TAF2: variants seen among roughly 807,000 people sequenced by gnomAD.
TAF2 encodes transcription initiation factor TFIID subunit 2.
In TAF2, 61 loss-of-function variants were observed where a neutral mutation model predicts 138.5. The ratio of observed to expected loss-of-function variants is 0.44; its 90% CI spans 0.36 to 0.54. The LOEUF is 0.54. TAF2 is among the 20% of genes least tolerant of loss of function. The pLI, the probability that TAF2 is intolerant of heterozygous loss-of-function variation, is 0.00. For missense variants in TAF2, 1,090 were observed against 1,427.9 expected, an observed-to-expected ratio of 0.76 and a Z score of 3.81; for synonymous variants, 475 against 469.9, an observed-to-expected ratio of 1.01 and a Z score of -0.14.
chr8:119,797,575 C>G lies in TAF2; in HGVS notation c.977+87G>C, dbSNP rs1451110467. Reference sequence around the variant, plus strand: ...CCAAATTGCGGAAAAAAGTTCAAAGCTCGTCTTAAAATTGACCGCAAAATC... The same window carrying G: ...CCAAATTGCGGAAAAAAGTTCAAAGGTCGTCTTAAAATTGACCGCAAAATC... On this transcript the variant is annotated intron_variant, in intron 7 of 25. Transcript: ENST00000378164. The G allele has an allele frequency of 8.0e-6, 11 of 1,381,828 alleles. No homozygotes were observed. The East Asian group carries it at 1.2e-4, about 15-fold the overall frequency. 85.6% of individuals were successfully genotyped at this position (1,381,828 alleles called of 1,614,324 possible). A position where few individuals can be genotyped will look rare whatever the true frequency, so the allele number is the denominator to read the frequency against.
chr8:119,831,760 A>C, intron 1 of TAF2, 29 bp from the exon 2 acceptor site: 2 of 1,408,258 alleles, frequency 1.4e-6, no homozygotes, highest in Non-Finnish European at 1.9e-6. Flanking sequence ...AAAGAAAATA[A>C]GGAAAAAATA....
chr8:119,748,834 T>C (rs1157854628), intron 22 of TAF2, among the ~76,000 whole-genome samples: 1 of 151,958 alleles, frequency 6.6e-6, no homozygotes, highest in East Asian at 1.9e-4. Context: ...ATAAAAAGTC[T>C]GGCAACCCAG....
chr8:119,803,448 T>C (rs1409913883), intron 5 of TAF2, among the ~76,000 whole-genome samples: 1 of 152,150 alleles, frequency 6.6e-6, no homozygotes, highest in Non-Finnish European at 1.5e-5. Context: ...CCCAGTACTT[T>C]GGGAGGCTGA....
chr8:119,818,733 CACACACACACACA>C (rs1563923410), intron 3 of TAF2, among the ~76,000 whole-genome samples: 1,389 of 83,596 alleles, frequency 0.017, 23 homozygotes, highest in African/African-American at 0.04. Flanking sequence ...AAATGAAGTC[CACACACACACACA>C]CACACACACA....
rs986468166 is a variant in TAF2, at chr8:119,826,694, G to A, written c.138+4983C>T. Among the ~76,000 whole-genome samples the A allele has an allele frequency of 2.0e-5, 3 of 151,870 alleles. No individual in the cohort carries two copies. The East Asian group carries it at 5.8e-4, about 30-fold the overall frequency. On this transcript the variant is annotated intron_variant, in intron 2 of 25. Coordinates refer to ENST00000378164, the MANE Select transcript of TAF2 (RefSeq NM_003184.4). ...GAACCTCCACCTCCTGGGTTCAAGC[G>A]ACTCTCCTGCCTCAGCCTCTTGAGT...
At chr8:119,746,668 A>G in intron 23 of TAF2, 37 bp downstream of exon 23, 1 of 1,597,520 alleles carries the variant, frequency 6.3e-7, no homozygotes, top group South Asian at 1.1e-5. Context: ...CCTCTATATA[A>G]TGAAACTACG....
At chr8:119,810,016 A>C (rs1824938163) in intron 3 of TAF2, among the ~76,000 whole-genome samples, 1 of 151,746 alleles carries the variant, frequency 6.6e-6, no homozygotes, top group Non-Finnish European at 1.5e-5. Flanking sequence ...AAAAAAAAAA[A>C]ACAGTATCTG....
chr8:119,767,615 G>A (rs4871578), intron 18 of TAF2, among the ~76,000 whole-genome samples: 41,337 of 152,184 alleles, frequency 0.27, 6,878 homozygotes, highest in Admixed American at 0.46. Flanking sequence ...TGAGCAGTCA[G>A]GTGCCAGCTG....
At chr8:119,737,341 T>G (rs1024290756) in intron 25 of TAF2, among the ~76,000 whole-genome samples, 9 of 151,964 alleles carry the variant, frequency 5.9e-5, no homozygotes, top group African/African-American at 2.2e-4. Context: ...AATTATATTA[T>G]ATTTGGGATT....
At chr8:119,801,196 A>T (rs10095185) in intron 6 of TAF2, among the ~76,000 whole-genome samples, 5,082 of 152,316 alleles carry the variant, frequency 0.033, 160 homozygotes, top group South Asian at 0.11. Flanking sequence ...GTCATTAGTA[A>T]TGAACAAAAT....
intron 3 of TAF2, among the ~76,000 whole-genome samples, chr8:119,816,044 CTCTT>C (rs1242185673): frequency 3.3e-5 from 5 of 150,216 alleles, no homozygotes; most frequent in South Asian, 2.1e-4. Flanking sequence ...TGTAAGCACA[CTCTT>C]TCTTTTTTTT....
Position 119,801,884 on chromosome 8 carries a change from G to T in TAF2, c.702C>A (p.Phe234Leu), listed in dbSNP as rs377226975. Residue 234 changes from phenylalanine (F) to leucine (L), a missense_variant, in exon 6 of 26, where the codon TTC becomes TTA. Physicochemically the swap from Phe to Leu is conservative, Grantham distance 22 (BLOSUM62 0). This residue lies in a region of TAF2 where 504 missense variants were observed against 680.9 expected (regional missense o/e 0.74). Coordinates refer to ENST00000378164, the MANE Select transcript of TAF2 (RefSeq NM_003184.4). ...CTGTAGGAATGGTAAGCATATAATG[G>T]AAAGTTTTCTTCCTCATATCATGAG... is the stretch of plus-strand genomic sequence containing the variant. Reference protein sequence around the residue: ...VYTHDMRKKTFHYMLTIPTAA... With the variant: ...VYTHDMRKKTLHYMLTIPTAA... 6.2e-7 allele frequency: 1 copy of T among 1,614,156 alleles called. No individual in the cohort carries two copies. The highest frequency in any genetic ancestry group is 8.5e-7 in the Non-Finnish European group (1 of 1,180,030).
At chr8:119,750,297 C>T (rs895667615) in intron 22 of TAF2, among the ~76,000 whole-genome samples, 2 of 152,164 alleles carry the variant, frequency 1.3e-5, no homozygotes, top group African/African-American at 4.8e-5. Flanking sequence ...GCCAAGATCG[C>T]ACCACTGCAC....
intron 2 of TAF2, among the ~76,000 whole-genome samples, chr8:119,831,159 T>C (rs936113522): frequency 2.0e-5 from 3 of 152,188 alleles, no homozygotes; most frequent in East Asian, 1.9e-4. Context: ...TTTCCTAAAA[T>C]TGATTATATC....
At chr8:119,801,686 C>T in intron 6 of TAF2, 108 bp downstream of exon 6, 1 of 1,104,960 alleles carries the variant, frequency 9.1e-7, no homozygotes, top group Non-Finnish European at 1.4e-6. Flanking sequence ...CCTTGGCCTC[C>T]CAAAGTGCTG....
rs1178186348 is a variant in TAF2, at chr8:119,797,555, T to C, written c.977+107A>G. On this transcript the variant is annotated intron_variant, in intron 7 of 25. Transcript: ENST00000378164. ...TTGTACAAAGCCAATCACATCCAAATTGCGGAAAAAAGTTCAAAGCTCGTC... is the reference window on the plus strand; with the variant it reads ...TTGTACAAAGCCAATCACATCCAAACTGCGGAAAAAAGTTCAAAGCTCGTC... 19 of 1,166,040 alleles carry C rather than the reference T, an allele frequency of 1.6e-5. No homozygotes were observed. The East Asian group carries it at 2.0e-4, about 12-fold the overall frequency. The allele number at this position is 1,166,040 out of a possible 1,614,324, so 72.2% of individuals were successfully genotyped here.
At chr8:119,805,846 AT>A (rs1397616924) in intron 4 of TAF2, among the ~76,000 whole-genome samples, 2 of 151,798 alleles carry the variant, frequency 1.3e-5, no homozygotes, top group African/African-American at 4.8e-5. Context: ...CATTCTATAT[AT>A]TTCAACTGGT....
chr8:119,826,443 A>G (rs996612692), intron 2 of TAF2, among the ~76,000 whole-genome samples: 1 of 152,210 alleles, frequency 6.6e-6, no homozygotes, highest in African/African-American at 2.4e-5. Context: ...TGTCCTTTGT[A>G]AATTGCCCAG....
In TAF2 at chr8:119,763,467, C is replaced by T. The variant is rs147168482; in HGVS notation, c.2365-859G>A. On this transcript the variant is annotated intron_variant, in intron 18 of 25. Transcript: ENST00000378164. ...ATTTAAGGCTGGGAGTGGTGGCTCA[C>T]GCCTGTAATCCCAGCACTTTGGGAG... is the stretch of plus-strand genomic sequence containing the variant. 1.2e-4 allele frequency among the ~76,000 whole-genome samples: 18 copies of T among 152,170 alleles called. 1 individual carries two copies. The highest frequency in any genetic ancestry group is 4.1e-4 in the South Asian group (2 of 4,834).
Sources: gnomAD v4.1 joint callset for allele counts (sites outside exome capture counted in the v4.1 genomes callset) on GRCh38, gnomAD v4.1.1 for gene constraint, gnomAD v4.1.1 regional missense constraint, MANE v1.5 for transcripts, NCBI Gene and HGNC (gene_info 2026-07-23, HGNC 2026-07-21) for gene names.